The following REEP1 variants were observed in gnomAD, a reference collection of about 807,000 sequenced individuals.
The protein encoded by REEP1 is receptor accessory protein 1.
In REEP1, 22 loss-of-function variants were observed where a neutral mutation model predicts 40.3. That is an observed-to-expected ratio of 0.55 (90% CI 0.39 to 0.78). The LOEUF (loss-of-function observed/expected upper bound fraction) is 0.78. Ranked by LOEUF, REEP1 falls within the 30% of genes least tolerant of loss-of-function variation. The pLI, the probability that REEP1 is intolerant of heterozygous loss-of-function variation, is 0.00. For missense variants in REEP1, 280 were observed against 361.1 expected (o/e 0.78, Z 1.82); for synonymous variants, 116 against 139.2 (o/e 0.83, Z 1.17).
chr2:86,299,359 T>C (rs1679156130), intron 1 of REEP1, among the ~76,000 whole-genome samples: 1 of 152,194 alleles, frequency 6.6e-6, no homozygotes, highest in Admixed American at 6.5e-5. Flanking sequence ...GCTTTAACTA[T>C]TAGATGACCC....
chr2:86,335,752 G>C (rs747400252), intron 1 of REEP1, among the ~76,000 whole-genome samples: 74 of 151,642 alleles, frequency 4.9e-4, no homozygotes, highest in Non-Finnish European at 8.8e-4. Context: ...GGGAGGCTGA[G>C]GCAGGAGAAT....
At chr2:86,301,916 G>A (rs1458452489) in intron 1 of REEP1, among the ~76,000 whole-genome samples, 2 of 152,222 alleles carry the variant, frequency 1.3e-5, no homozygotes, top group African/African-American at 4.8e-5. Flanking sequence ...GGATTAACTG[G>A]CCAGGAGGCC....
intron 4 of REEP1, among the ~76,000 whole-genome samples, chr2:86,252,776 G>A (rs970883299): frequency 2.6e-5 from 4 of 152,202 alleles, no homozygotes; most frequent in African/African-American, 9.6e-5. Flanking sequence ...CTGGATAAGG[G>A]AGATTGTTTT....
intron 1 of REEP1, among the ~76,000 whole-genome samples, chr2:86,306,283 C>G (rs1017297451): frequency 6.6e-6 from 1 of 151,898 alleles, no homozygotes; most frequent in Non-Finnish European, 1.5e-5. Context: ...TCTCTCTTAA[C>G]CCTTCTGAAA....
chr2:86,247,663 C>T (rs554471000), intron 5 of REEP1, among the ~76,000 whole-genome samples: 3 of 152,016 alleles, frequency 2.0e-5, no homozygotes, highest in Non-Finnish European at 4.4e-5. Context: ...CTCCACCTCC[C>T]GGGTTCAAGT....
At chr2:86,221,061 TC>T (rs771488785) in intron 7 of REEP1, among the ~76,000 whole-genome samples, 1 of 152,286 alleles carries the variant, frequency 6.6e-6, no homozygotes, top group Non-Finnish European at 1.5e-5. Context: ...TCTCAAGTCA[TC>T]TGGTCCAATC....
intron 1 of REEP1, among the ~76,000 whole-genome samples, chr2:86,324,123 A>G (rs1388426806): frequency 4.6e-5 from 7 of 151,882 alleles, no homozygotes; most frequent in Non-Finnish European, 8.8e-5. Context: ...AGGACACAAA[A>G]AGCAAAAACT....
Position 86,291,643 on chromosome 2 carries a change from A to C in REEP1, c.33-9401T>G, listed in dbSNP as rs116319086. Reference sequence around the variant, plus strand: ...AATGGGATTACTTTCCCAGTTTACAAATAAAAAAAACTGAGCCTCAGAGTA... The same window carrying C: ...AATGGGATTACTTTCCCAGTTTACACATAAAAAAAACTGAGCCTCAGAGTA... On this transcript the variant is annotated intron_variant, in intron 1 of 8. Transcript: ENST00000538924. 8.8e-3 allele frequency among the ~76,000 whole-genome samples: 1,338 copies of C among 151,940 alleles called. 25 individuals carry two copies. Among genetic ancestry groups the C allele is most frequent in the African/African-American group, 0.031 (1,293 of 41,408 alleles).
chr2:86,222,636 T>C (rs1674489279), intron 7 of REEP1, among the ~76,000 whole-genome samples: 1 of 152,198 alleles, frequency 6.6e-6, no homozygotes, highest in African/African-American at 2.4e-5. Context: ...GTCTCAACAG[T>C]CTACACCTTG....
chr2:86,290,599 T>A (rs1678642665), intron 1 of REEP1, among the ~76,000 whole-genome samples: 1 of 152,178 alleles, frequency 6.6e-6, no homozygotes, highest in Non-Finnish European at 1.5e-5. Flanking sequence ...GGTCCATGTG[T>A]GGCAAAACAA....
intron 1 of REEP1, among the ~76,000 whole-genome samples, chr2:86,334,624 C>T (rs1680926668): frequency 6.6e-6 from 1 of 152,102 alleles, no homozygotes; most frequent in South Asian, 2.1e-4. Flanking sequence ...CAGTAAAACA[C>T]ATATATTTTT....
intron 2 of REEP1, among the ~76,000 whole-genome samples, chr2:86,273,172 G>A (rs1293495155): frequency 2.6e-5 from 4 of 151,392 alleles, no homozygotes; most frequent in African/African-American, 9.7e-5. Flanking sequence ...AACCTAAAGC[G>A]GGTGACTTTC....
At chr2:86,226,242 C>G (rs60995751) in intron 7 of REEP1, among the ~76,000 whole-genome samples, 7,777 of 152,162 alleles carry the variant, frequency 0.051, 633 homozygotes, top group African/African-American at 0.17. Context: ...GGGATCTCAT[C>G]TCCGTTTTAA....
intron 1 of REEP1, among the ~76,000 whole-genome samples, chr2:86,329,422 G>T (rs561056685): frequency 1.2e-4 from 18 of 152,298 alleles, no homozygotes; most frequent in African/African-American, 4.3e-4. Flanking sequence ...GTTCTTGGCT[G>T]GGCACTGGGT....
intron 7 of REEP1, among the ~76,000 whole-genome samples, chr2:86,226,806 T>C (rs970197820): frequency 6.6e-6 from 1 of 152,134 alleles, no homozygotes; most frequent in South Asian, 2.1e-4. Flanking sequence ...CACACATTCT[T>C]TGATACTCCT....
In REEP1 at chr2:86,236,848, C is replaced by T. The variant is rs920314276; in HGVS notation, c.418-4046G>A. Among the ~76,000 whole-genome samples, 5 of 152,184 alleles carry T rather than the reference C, an allele frequency of 3.3e-5. No homozygotes were observed. In the South Asian group the frequency reaches 1.0e-3, roughly 32 times the overall value. On this transcript the variant is annotated intron_variant, in intron 5 of 8. Transcript: ENST00000538924. ...CCTCCCGCGTTCACGCATTCTCTTG[C>T]CTCAACCTCCAGAGTAGCTGGGACA...
intron 5 of REEP1, among the ~76,000 whole-genome samples, chr2:86,249,780 ACTT>A (rs1023252678): frequency 7.0e-6 from 1 of 142,642 alleles, no homozygotes; most frequent in East Asian, 1.9e-4. Flanking sequence ...TTTGGATTTT[ACTT>A]CTTCTTTTAT....
chr2:86,263,199 G>A (rs1030775445), intron 3 of REEP1, among the ~76,000 whole-genome samples: 4 of 152,170 alleles, frequency 2.6e-5, no homozygotes, highest in African/African-American at 9.7e-5. Context: ...TAAAATGTGT[G>A]TATACACACA....
intron 1 of REEP1, among the ~76,000 whole-genome samples, chr2:86,320,645 C>T (rs1484703659): frequency 2.6e-5 from 4 of 152,092 alleles, no homozygotes; most frequent in African/African-American, 9.7e-5. Context: ...AAGGAACAGA[C>T]ATCATAAAAT....
Sources: gnomAD v4.1 joint callset for allele counts (sites outside exome capture counted in the v4.1 genomes callset) on GRCh38, gnomAD v4.1.1 for gene constraint, MANE v1.5 for transcripts, NCBI Gene and HGNC (gene_info 2026-07-23, HGNC 2026-07-21) for gene names.